The following PCDH9 variants were observed in gnomAD, a reference collection of about 807,000 sequenced individuals.
The protein encoded by PCDH9 is protocadherin-9.
A neutral mutation model predicts 70.6 loss-of-function variants in PCDH9; 24 were observed. The ratio of observed to expected loss-of-function variants is 0.34; its 90% confidence interval spans 0.25 to 0.48. PCDH9 has a LOEUF of 0.48. Ranked by LOEUF, PCDH9 falls within the 20% of genes least tolerant of loss-of-function variation. The probability of loss-of-function intolerance (pLI) is 0.99; values close to 1 mark genes in which losing one functional copy is unlikely to be tolerated. For missense variants in PCDH9, 1,281 were observed against 1,503.6 expected (o/e 0.85, Z 2.45); for synonymous variants, 562 against 558.5 (o/e 1.01, Z -0.09).
chr13:66,388,707 C>T (rs117457832), intron 4 of PCDH9, among the ~76,000 whole-genome samples: 1,593 of 152,098 alleles, frequency 0.01, 25 homozygotes, highest in South Asian at 0.04. Context: ...TTTCATATGA[C>T]GCTGTTATTT....
chr13:66,363,854 G>C (rs1487229701), intron 4 of PCDH9, among the ~76,000 whole-genome samples: 1 of 152,064 alleles, frequency 6.6e-6, no homozygotes, highest in Non-Finnish European at 1.5e-5. Flanking sequence ...TACTTTTACA[G>C]TTTCTAAGAA....
At chr13:66,782,357 T>G (rs1448400658) in intron 3 of PCDH9, among the ~76,000 whole-genome samples, 1 of 152,076 alleles carries the variant, frequency 6.6e-6, no homozygotes, top group East Asian at 1.9e-4. Context: ...GCAGGAGAGA[T>G]AGCTGTCAGC....
intron 4 of PCDH9, among the ~76,000 whole-genome samples, chr13:66,493,006 G>A (rs1959056875): frequency 6.6e-6 from 1 of 151,974 alleles, no homozygotes; most frequent in Admixed American, 6.6e-5. Context: ...CACCACCTGT[G>A]GGAAGACCCT....
intron 4 of PCDH9, among the ~76,000 whole-genome samples, chr13:66,363,466 C>A (rs1956504447): frequency 6.6e-6 from 1 of 151,972 alleles, no homozygotes; most frequent in Non-Finnish European, 1.5e-5. Flanking sequence ...AAAAAATGAA[C>A]AATGTATTTG....
At chr13:66,823,680 A>G (rs2080756955) in intron 3 of PCDH9, among the ~76,000 whole-genome samples, 1 of 152,048 alleles carries the variant, frequency 6.6e-6, no homozygotes, top group South Asian at 2.1e-4. Context: ...ACGGCTAAAA[A>G]CTTGTCCTGT....
At chr13:66,865,745 C>T (rs1003653680) in intron 3 of PCDH9, among the ~76,000 whole-genome samples, 4 of 152,166 alleles carry the variant, frequency 2.6e-5, no homozygotes, top group Admixed American at 2.0e-4. Context: ...TGGTAGAGAT[C>T]ATTTTCATTT....
intron 3 of PCDH9, among the ~76,000 whole-genome samples, chr13:66,684,122 G>A (rs2078366322): frequency 6.6e-6 from 1 of 152,194 alleles, no homozygotes; most frequent in African/African-American, 2.4e-5. Flanking sequence ...CTTTGATTTG[G>A]TGATAGCTGG....
At chr13:66,368,786 T>A (rs2781783) in intron 4 of PCDH9, among the ~76,000 whole-genome samples, 2,393 of 152,160 alleles carry the variant, frequency 0.016, 60 homozygotes, top group African/African-American at 0.055. Context: ...GCCTTATAAT[T>A]GGAAGCCAAG....
chr13:66,535,487 TC>T (rs1960658672), intron 4 of PCDH9, among the ~76,000 whole-genome samples: 1 of 152,026 alleles, frequency 6.6e-6, no homozygotes, highest in Non-Finnish European at 1.5e-5. Context: ...TTCTGCTCAG[TC>T]CCCCACTAAA....
At chr13:67,081,664 T>C (rs2085985816) in intron 2 of PCDH9, among the ~76,000 whole-genome samples, 1 of 152,196 alleles carries the variant, frequency 6.6e-6, no homozygotes, top group African/African-American at 2.4e-5. Context: ...TGGTTAATTT[T>C]GAGGTATGTT....
chr13:66,716,185 C>A (rs980471158), intron 3 of PCDH9, among the ~76,000 whole-genome samples: 1 of 152,082 alleles, frequency 6.6e-6, no homozygotes, highest in African/African-American at 2.4e-5. Context: ...TTTGAAAAAG[C>A]ATTTGTTTTT....
intron 2 of PCDH9, among the ~76,000 whole-genome samples, chr13:67,038,867 G>T (rs1424316753): frequency 1.3e-5 from 2 of 152,086 alleles, no homozygotes; most frequent in African/African-American, 2.4e-5. Flanking sequence ...AGTAATAGAA[G>T]AGTTTTTTGT....
At chr13:66,531,062 A>C (rs904232458) in intron 4 of PCDH9, among the ~76,000 whole-genome samples, 4 of 151,944 alleles carry the variant, frequency 2.6e-5, no homozygotes, top group Admixed American at 6.6e-5. Context: ...AGGATTTTTA[A>C]AATAACTTGA....
intron 4 of PCDH9, among the ~76,000 whole-genome samples, chr13:66,337,614 CAAACA>C (rs1300137458): frequency 6.6e-6 from 1 of 151,840 alleles, no homozygotes; most frequent in Non-Finnish European, 1.5e-5. Context: ...AACAAACAAA[CAAACA>C]AACAGAAATA....
At chr13:67,107,799 A>C (rs1355286151) in intron 2 of PCDH9, among the ~76,000 whole-genome samples, 2 of 152,194 alleles carry the variant, frequency 1.3e-5, no homozygotes, top group Admixed American at 6.5e-5. Flanking sequence ...ACCATATTGC[A>C]GGCAACAAGG....
Position 67,228,059 on chromosome 13 carries a change from T to C in PCDH9, c.382A>G (p.Ile128Val). 1 of 1,613,938 alleles carries C rather than the reference T, an allele frequency of 6.2e-7. No individual in the cohort carries two copies. Among genetic ancestry groups the C allele is most frequent in the East Asian group, 2.2e-5 (1 of 44,872 alleles). Residue 128 changes from isoleucine (I) to valine (V), a missense_variant, in exon 2 of 5, where the codon ATA becomes GTA. Physicochemically the swap from Ile to Val is conservative, Grantham distance 29. This residue lies in a region of PCDH9 where 798 missense variants were observed against 1,003.1 expected (regional missense o/e 0.80). Coordinates refer to ENST00000377865, the MANE Select transcript of PCDH9 (RefSeq NM_203487.3). ...TTGGTATCCTTGACAATTATTTTTA[T>C]TTTGATCAGCCTGAAGAAATCATTG... ...LPNDFFRLIK[I>V]KIIVKDTNDN...
At chr13:66,604,677 A>T (rs1879964699) in intron 4 of PCDH9, among the ~76,000 whole-genome samples, 1 of 152,128 alleles carries the variant, frequency 6.6e-6, no homozygotes, top group South Asian at 2.1e-4. Context: ...TACAAGAGCT[A>T]TTTTATTTAA....
chr13:66,695,249 T>C (rs958849771), intron 3 of PCDH9, among the ~76,000 whole-genome samples: 1 of 152,322 alleles, frequency 6.6e-6, no homozygotes, highest in East Asian at 1.9e-4. Flanking sequence ...CCAGTTTAAA[T>C]ATGGGAGTCA....
At position 66,502,524 on chromosome 13, in the gene PCDH9, C is replaced by T. The variant is rs546456666; in HGVS notation, c.3340+128686G>A. On this transcript the variant is annotated intron_variant, in intron 4 of 4. Transcript: ENST00000377865. Reference sequence around the variant, plus strand: ...ATAAACACACTATAAAAAAATTTGTCATTTTTTATGAAGTGAGCAATTTTA... The same window carrying T: ...ATAAACACACTATAAAAAAATTTGTTATTTTTTATGAAGTGAGCAATTTTA... 1.0e-3 allele frequency among the ~76,000 whole-genome samples: 159 copies of T among 152,138 alleles called. 1 individual carries two copies. The highest frequency in any genetic ancestry group is 2.2e-3 in the Admixed American group (33 of 15,274).
Sources: gnomAD v4.1 joint callset for allele counts (sites outside exome capture counted in the v4.1 genomes callset) on GRCh38, gnomAD v4.1.1 for gene constraint, gnomAD v4.1.1 regional missense constraint, MANE v1.5 for transcripts, NCBI Gene and HGNC (gene_info 2026-07-23, HGNC 2026-07-21) for gene names.